The following DYNC1I2 variants were observed in gnomAD, a reference collection of about 807,000 sequenced individuals.
DYNC1I2 encodes dynein cytoplasmic 1 intermediate chain 2, also known as cytoplasmic dynein 1 intermediate chain 2.
A neutral mutation model predicts 88.6 loss-of-function variants in DYNC1I2; 53 were observed. That is an observed-to-expected ratio of 0.60 (90% CI 0.48 to 0.75). DYNC1I2 has a LOEUF of 0.75. Ranked by LOEUF, DYNC1I2 falls within the 30% of genes least tolerant of loss-of-function variation. The probability of loss-of-function intolerance (pLI) is 0.00; values close to 1 mark genes in which losing one functional copy is unlikely to be tolerated. For synonymous variants in DYNC1I2, 198 were observed against 254.6 expected (o/e 0.78, Z 2.12); for missense variants, 458 against 766.6 (o/e 0.60, Z 4.75).
At chr2:171,699,217 G>A (rs1476800515) in intron 3 of DYNC1I2, among the ~76,000 whole-genome samples, 1 of 152,078 alleles carries the variant, frequency 6.6e-6, no homozygotes, top group African/African-American at 2.4e-5. Flanking sequence ...TGAGGCAGGA[G>A]AATCGCTTGA....
At chr2:171,704,365 G>A (rs1686510768) in intron 3 of DYNC1I2, among the ~76,000 whole-genome samples, 1 of 136,190 alleles carries the variant, frequency 7.3e-6, no homozygotes, top group South Asian at 2.4e-4. Flanking sequence ...TTTCTTCTGT[G>A]ACAGTTGTCA....
chr2:171,703,469 C>A (rs1002535323), intron 3 of DYNC1I2, among the ~76,000 whole-genome samples: 5 of 152,114 alleles, frequency 3.3e-5, no homozygotes, highest in Non-Finnish European at 7.4e-5. Context: ...ATCAAGGAAT[C>A]CTTTTGCCTC....
Position 171,726,935 on chromosome 2 carries a change from A to C in DYNC1I2, c.996+19A>C, listed in dbSNP as rs1378536499. 6.4e-7 allele frequency: 1 copy of C among 1,556,886 alleles called. No individual in the cohort carries two copies. The highest frequency in any genetic ancestry group is 8.7e-7 in the Non-Finnish European group (1 of 1,154,234). ...CTGCCAGGTATGGTGGTCTTTTAAC[A>C]GTCTTCGCCTCAAGTTTAAGAATTC... On this transcript the variant is annotated intron_variant, in intron 11 of 17. Coordinates refer to ENST00000397119, the MANE Select transcript of DYNC1I2 (RefSeq NM_001378.3).
intron 7 of DYNC1I2, among the ~76,000 whole-genome samples, chr2:171,723,580 T>G (rs1688039311): frequency 6.6e-6 from 1 of 152,208 alleles, no homozygotes; most frequent in Admixed American, 6.5e-5. Context: ...TTATACTATT[T>G]TCAGATTAAT....
At chr2:171,746,782 A>G (rs925067969) in intron 17 of DYNC1I2, among the ~76,000 whole-genome samples, 24 of 151,992 alleles carry the variant, frequency 1.6e-4, no homozygotes, top group African/African-American at 4.8e-4. Flanking sequence ...GCCAGTAGCT[A>G]CCCTACTGGA....
intron 10 of DYNC1I2, 152 bp from the exon 11 acceptor site, chr2:171,726,639 C>A: frequency 1.3e-6 from 1 of 752,246 alleles, no homozygotes; most frequent in Non-Finnish European, 2.0e-6. Flanking sequence ...GTACTAATGT[C>A]CCAGTAGGCA....
At chr2:171,719,259 TTGG>T (rs1460307786) in intron 7 of DYNC1I2, among the ~76,000 whole-genome samples, 16 of 152,188 alleles carry the variant, frequency 1.1e-4, no homozygotes, top group Admixed American at 1.0e-3. Context: ...GCAGTATCCT[TTGG>T]GGGAAAAAAT....
At chr2:171,690,088 G>T in intron 1 of DYNC1I2, 59 bp from the exon 2 acceptor site, 1 of 1,108,810 alleles carries the variant, frequency 9.0e-7, no homozygotes, top group Non-Finnish European at 1.3e-6. Flanking sequence ...TCTCTTCTTG[G>T]AACACTAGTT....
intron 2 of DYNC1I2, 24 bp downstream of exon 2, chr2:171,690,287 A>G (rs746333202): frequency 1.4e-6 from 2 of 1,468,122 alleles, no homozygotes; most frequent in Admixed American, 4.1e-5. Context: ...TTTTGCTTAA[A>G]TAAACAACAT....
At chr2:171,697,131 G>C (rs1216504599) in intron 3 of DYNC1I2, among the ~76,000 whole-genome samples, 1 of 151,964 alleles carries the variant, frequency 6.6e-6, no homozygotes, top group Non-Finnish European at 1.5e-5. Context: ...CTCCCAAGTA[G>C]CTGGGAACAT....
At chr2:171,740,431 C>G (rs1245695353) in intron 15 of DYNC1I2, among the ~76,000 whole-genome samples, 1 of 152,156 alleles carries the variant, frequency 6.6e-6, no homozygotes, top group African/African-American at 2.4e-5. Context: ...ACCTTAGTTA[C>G]TCTGTGGACT....
chr2:171,697,924 A>G (rs977261698), intron 3 of DYNC1I2, among the ~76,000 whole-genome samples: 5 of 152,176 alleles, frequency 3.3e-5, no homozygotes, highest in Admixed American at 3.3e-4. Context: ...TTTTGGCAAG[A>G]AAATCTCATA....
At chr2:171,733,533 C>T (rs929106509) in intron 15 of DYNC1I2, among the ~76,000 whole-genome samples, 2 of 115,596 alleles carry the variant, frequency 1.7e-5, no homozygotes, top group Non-Finnish European at 3.3e-5. Flanking sequence ...GATGGTATCT[C>T]ATTGTGGTTT....
chr2:171,704,119 A>G (rs900235330), intron 3 of DYNC1I2, among the ~76,000 whole-genome samples: 3 of 152,180 alleles, frequency 2.0e-5, no homozygotes, highest in Non-Finnish European at 2.9e-5. Flanking sequence ...TGCTAATTCT[A>G]AATCTAGGTG....
chr2:171,693,808 A>T (rs1685558983), intron 3 of DYNC1I2, among the ~76,000 whole-genome samples: 1 of 152,228 alleles, frequency 6.6e-6, no homozygotes, highest in Non-Finnish European at 1.5e-5. Flanking sequence ...AGACTGAAGT[A>T]TATTAATTTT....
intron 3 of DYNC1I2, 148 bp from the exon 4 acceptor site, chr2:171,706,399 G>C (rs1023095187): frequency 1.5e-6 from 1 of 680,802 alleles, no homozygotes. Context: ...AAATGTGCAC[G>C]TTCAGCTGTT....
At position 171,747,746 on chromosome 2, in the gene DYNC1I2, G is replaced by T. The variant is rs763463445; in HGVS notation, c.1804-30G>T. 3 of 1,432,882 alleles carry T rather than the reference G, an allele frequency of 2.1e-6. No individual in the cohort carries two copies. Among genetic ancestry groups the T allele is most frequent in the East Asian group, 4.6e-5 (2 of 43,208 alleles). 88.8% of individuals were successfully genotyped at this position (1,432,882 alleles called of 1,614,324 possible). A position where few individuals can be genotyped will look rare whatever the true frequency, so the allele number is the denominator to read the frequency against. On this transcript the variant is annotated intron_variant, in intron 17 of 17. Transcript: ENST00000397119. ...GGGTAAAATGATCTTTTATTTCATT[G>T]TATATAAAACATTGTCTTTCTTTTA...
intron 3 of DYNC1I2, among the ~76,000 whole-genome samples, chr2:171,704,541 C>T (rs577720783): frequency 1.4e-4 from 22 of 152,190 alleles, no homozygotes; most frequent in African/African-American, 5.1e-4. Flanking sequence ...AATCACTGTT[C>T]TTACTAAGCA....
intron 7 of DYNC1I2, among the ~76,000 whole-genome samples, chr2:171,724,709 C>A (rs1318037772): frequency 1.3e-5 from 2 of 152,198 alleles, no homozygotes; most frequent in Admixed American, 1.3e-4. Flanking sequence ...GGTGCAGATG[C>A]CTGCTGCCTT....
Sources: allele counts gnomAD v4.1 joint callset (sites outside exome capture counted in the v4.1 genomes callset), GRCh38; gene constraint gnomAD v4.1.1; transcripts MANE v1.5; gene names NCBI Gene and HGNC (gene_info 2026-07-23, HGNC 2026-07-21).